Variants in DCAF8L2 observed in about 807,000 individuals in gnomAD.
DCAF8L2 encodes the protein DDB1 and CUL4 associated factor 8 like 2, also known as DDB1- and CUL4-associated factor 8-like protein 2.
For missense variants in DCAF8L2, 430 were observed against 490.7 expected, an observed-to-expected ratio of 0.88 and a Z score of 1.17; for synonymous variants, 200 against 190.9, an observed-to-expected ratio of 1.05 and a Z score of -0.39.
At chrX:27,696,142 T>C (rs1930885579) in intron 3 of DCAF8L2, among the ~76,000 whole-genome samples, 1 of 105,443 alleles carries the variant, frequency 9.5e-6, no homozygotes, top group Admixed American at 1.1e-4. Context: ...GAGGTTGCAC[T>C]GAGCTGAGAT....
chrX:27,634,275 C>A (rs1186760550), intron 2 of DCAF8L2, among the ~76,000 whole-genome samples: 1 of 111,718 alleles, frequency 9.0e-6, no homozygotes, highest in African/African-American at 3.3e-5. Flanking sequence ...ATAACCTGTT[C>A]TATTTACCCA....
intron 1 of DCAF8L2, among the ~76,000 whole-genome samples, chrX:27,611,840 T>C (rs1477113176): frequency 9.0e-6 from 1 of 111,442 alleles, no homozygotes; most frequent in Non-Finnish European, 1.9e-5. Context: ...ATCCAGTCTA[T>C]CATTGTTGGA....
chrX:27,641,996 C>T (rs1469975515), intron 2 of DCAF8L2, among the ~76,000 whole-genome samples: 1 of 108,897 alleles, frequency 9.2e-6, no homozygotes, highest in African/African-American at 3.3e-5. Context: ...TCACGCCATT[C>T]TCCTGCCTCA....
chrX:27,712,820 C>A (rs970524941), intron 3 of DCAF8L2, among the ~76,000 whole-genome samples: 7 of 111,874 alleles, frequency 6.3e-5, no homozygotes, highest in African/African-American at 1.9e-4. Flanking sequence ...TAGGCGCTTG[C>A]TTCTCCAAAA....
chrX:27,479,879 A>G, the DCAF8L2 span, among the ~76,000 whole-genome samples: 1 of 112,257 alleles, frequency 8.9e-6, no homozygotes, highest in Non-Finnish European at 1.9e-5. Context: ...TTCCACACCC[A>G]CCTAGAGAGG....
intron 1 of DCAF8L2, among the ~76,000 whole-genome samples, chrX:27,615,093 G>A (rs1927394778): frequency 9.7e-6 from 1 of 103,368 alleles, no homozygotes; most frequent in Non-Finnish European, 2.0e-5. Flanking sequence ...AGGTTTCAGT[G>A]GTGGGGAAAG....
the DCAF8L2 span, among the ~76,000 whole-genome samples, chrX:27,494,315 AG>A: frequency 9.0e-6 from 1 of 111,332 alleles, no homozygotes; most frequent in African/African-American, 3.3e-5. Context: ...CTGAGGCAGG[AG>A]AATCGCTTGA....
upstream of DCAF8L2, among the ~76,000 whole-genome samples, chrX:27,586,194 A>G (rs1246570495): frequency 1.8e-5 from 2 of 111,264 alleles, no homozygotes; most frequent in Admixed American, 1.9e-4. Flanking sequence ...ACAAGGTTGT[A>G]GAACAAATGA....
the DCAF8L2 span, among the ~76,000 whole-genome samples, chrX:27,529,319 G>A: frequency 9.0e-6 from 1 of 111,216 alleles, no homozygotes; most frequent in Non-Finnish European, 1.9e-5. Context: ...ACAGTGAAGG[G>A]CTAAGAAATT....
chrX:27,551,978 G>T, the DCAF8L2 span, among the ~76,000 whole-genome samples: 2 of 111,703 alleles, frequency 1.8e-5, no homozygotes, highest in South Asian at 7.4e-4. Flanking sequence ...CCCTTTCTCC[G>T]CATCTTTGCC....
chrX:27,619,318 C>T (rs890577845), intron 1 of DCAF8L2, among the ~76,000 whole-genome samples: 1 of 110,463 alleles, frequency 9.1e-6, no homozygotes, highest in African/African-American at 3.3e-5. Context: ...CAATAGAAAC[C>T]GTTTCTCTAT....
At chrX:27,690,815 A>G (rs1295847339) in intron 3 of DCAF8L2, among the ~76,000 whole-genome samples, 2 of 111,421 alleles carry the variant, frequency 1.8e-5, no homozygotes, top group Non-Finnish European at 3.8e-5. Flanking sequence ...GGTATAAACT[A>G]TTTACAACTC....
chrX:27,561,186 C>A, the DCAF8L2 span, among the ~76,000 whole-genome samples: 2 of 111,950 alleles, frequency 1.8e-5, no homozygotes, highest in African/African-American at 6.5e-5. Context: ...TCCCTCTTAT[C>A]TTTCGAGTTT....
At position 27,747,282 on chromosome X, in the gene DCAF8L2, A is replaced by AAGAGGAG. The variant is rs1922245768; in HGVS notation, c.387_388insAGAGGAG (p.Glu130ArgfsTer34). The AAGAGGAG allele has an allele frequency of 1.8e-5, 17 of 939,370 alleles. No individual in the cohort carries two copies. In the African/African-American group the frequency reaches 3.1e-4, roughly 17 times the overall value. The allele number at this position is 939,370 out of a possible 1,213,427, so 77.4% of individuals were successfully genotyped here. ...AAGAGGAGGGAGGGGAGGAGGAGGA[A>AAGAGGAG]GAGGAGGAGGAGGAGGAGGAGGAGG... On this transcript the variant is annotated frameshift_variant, in exon 5 of 5. Transcript: ENST00000451261. LOFTEE classifies it low-confidence loss of function (END_TRUNC).
chrX:27,723,427 G>T (rs914936595), intron 4 of DCAF8L2, among the ~76,000 whole-genome samples: 8 of 110,593 alleles, frequency 7.2e-5, no homozygotes, highest in African/African-American at 2.6e-4. Context: ...GCAAAGAAAT[G>T]AACCAATAAT....
the DCAF8L2 span, among the ~76,000 whole-genome samples, chrX:27,544,957 G>C: frequency 8.9e-6 from 1 of 112,104 alleles, no homozygotes; most frequent in African/African-American, 3.2e-5. Flanking sequence ...AACATTTCTT[G>C]AATGTCCTAT....
chrX:27,526,606 T>C, the DCAF8L2 span, among the ~76,000 whole-genome samples: 1 of 112,388 alleles, frequency 8.9e-6, no homozygotes, highest in Non-Finnish European at 1.9e-5. Flanking sequence ...GTGCTCTGAT[T>C]TTTAGAATTT....
chrX:27,565,865 G>T, the DCAF8L2 span, among the ~76,000 whole-genome samples: 1 of 110,582 alleles, frequency 9.0e-6, no homozygotes, highest in African/African-American at 3.3e-5. Flanking sequence ...GGTGGGGCCG[G>T]GGGATCTCTT....
chrX:27,601,495 T>A lies in DCAF8L2; in HGVS notation c.-342+11055T>A, dbSNP rs1241805380. 5.5e-5 allele frequency among the ~76,000 whole-genome samples: 6 copies of A among 109,830 alleles called. No individual in the cohort carries two copies. The Admixed American group carries it at 5.8e-4, about 11-fold the overall frequency. ...CGGGTGGATTGCTTGGGGTTAGGAG[T>A]TTAAGACTAGCCTGGCCAACATGGC... On this transcript the variant is annotated intron_variant, in intron 1 of 4. Transcript: ENST00000451261.
Sources: gnomAD v4.1 joint callset for allele counts (sites outside exome capture counted in the v4.1 genomes callset) on GRCh38, gnomAD v4.1.1 for gene constraint, MANE v1.5 for transcripts, NCBI Gene and HGNC (gene_info 2026-07-23, HGNC 2026-07-21) for gene names.